Variants in CDC25C observed in about 807,000 individuals in gnomAD.
CDC25C encodes the protein M-phase inducer phosphatase 3.
Under a neutral mutation model 52.5 loss-of-function variants are expected in CDC25C, and 48 were observed. The ratio of observed to expected loss-of-function variants is 0.91; its 90% confidence interval spans 0.72 to 1.16. The LOEUF (loss-of-function observed/expected upper bound fraction) is 1.16, where lower values mean the gene tolerates loss of function less well. CDC25C is among the 50% of genes most tolerant of loss of function. The pLI is 0.00. For synonymous variants in CDC25C, 187 were observed against 206.5 expected (o/e 0.91, Z 0.81); for missense variants, 510 against 566.1 (o/e 0.90, Z 1.01).
At chr5:138,310,560 C>G (rs1313604679) in intron 7 of CDC25C, among the ~76,000 whole-genome samples, 2 of 152,198 alleles carry the variant, frequency 1.3e-5, no homozygotes, top group Non-Finnish European at 2.9e-5. Context: ...AGCACTTACA[C>G]TACACAATAA....
intron 6 of CDC25C, among the ~76,000 whole-genome samples, chr5:138,325,265 G>A (rs1285729763): frequency 6.6e-6 from 1 of 152,100 alleles, no homozygotes; most frequent in Non-Finnish European, 1.5e-5. Context: ...TCTAGAAAAG[G>A]GGCTTAGATG....
At chr5:138,314,041 G>A (rs1255255516) in intron 7 of CDC25C, among the ~76,000 whole-genome samples, 2 of 134,232 alleles carry the variant, frequency 1.5e-5, no homozygotes, top group African/African-American at 5.5e-5. Flanking sequence ...TCGCACCCAG[G>A]CTGGAGTGCA....
Position 138,292,043 on chromosome 5 carries a change from T to C in CDC25C, c.689A>G (p.Glu230Gly), listed in dbSNP as rs1438603292. Residue 230 changes from glutamate (E) to glycine (G), a missense_variant, in exon 8 of 14, where the codon GAA (glutamate) becomes GGA (glycine). By Grantham distance (98) the Glu-to-Gly change is moderately conservative. Coordinates refer to ENST00000323760, the MANE Select transcript of CDC25C (RefSeq NM_001790.5). ...TGGTATTGTGTTGTCCTTGAATTTT[T>C]CCACCTGCTTCAGTCTTGGCCTGTT... ...NLNRPRLKQV[E>G]KFKDNTIPDK... 6.2e-7 allele frequency: 1 copy of C among 1,613,758 alleles called. No homozygotes were observed. The highest frequency in any genetic ancestry group is 1.7e-5 in the Admixed American group (1 of 59,966).
rs1262199902 is a variant in CDC25C, at chr5:138,319,267, CT to C, written c.566del (p.Glu189GlyfsTer6). 1 of 1,613,734 alleles carries C rather than the reference CT, an allele frequency of 6.2e-7. No homozygotes were observed. The highest frequency in any genetic ancestry group is 8.5e-7 in the Non-Finnish European group (1 of 1,179,762). Reference sequence around the variant, plus strand: ...AAAACTCCATTAATTCATCTGAAATCTCTTCTGCCTGGTCTTCTCCTAGGTT... The same window carrying C: ...AAAACTCCATTAATTCATCTGAAATCCTTCTGCCTGGTCTTCTCCTAGGTT... ...NPNLGEDQAE[E>X]ISDELMEFSL... is the part of the protein sequence containing the mutation. On this transcript the variant is annotated frameshift_variant, in exon 7 of 14. Transcript: ENST00000323760. LOFTEE classifies it high-confidence loss of function.
chr5:138,303,429 C>T (rs111466010), intron 7 of CDC25C, among the ~76,000 whole-genome samples: 55 of 152,282 alleles, frequency 3.6e-4, no homozygotes, highest in African/African-American at 1.2e-3. Flanking sequence ...AGGCCCTACA[C>T]GATCTGTCCT....
intron 7 of CDC25C, among the ~76,000 whole-genome samples, chr5:138,314,951 A>G (rs1469173524): frequency 3.5e-5 from 3 of 85,304 alleles, no homozygotes; most frequent in Admixed American, 1.5e-4. Context: ...TTTTTGAGTT[A>G]GAGTCTCACT....
At chr5:138,290,857 A>G in intron 8 of CDC25C, 117 bp from the exon 9 acceptor site, 1 of 650,534 alleles carries the variant, frequency 1.5e-6, no homozygotes, top group Non-Finnish European at 2.8e-6. Context: ...TGGGAGGCTG[A>G]GGTAGGGAGA....
At chr5:138,321,931 AG>A (rs1266136659) in intron 6 of CDC25C, among the ~76,000 whole-genome samples, 1 of 152,044 alleles carries the variant, frequency 6.6e-6, no homozygotes, top group Admixed American at 6.6e-5. Context: ...CAGTATTATA[AG>A]GGCACAAAAG....
chr5:138,304,618 G>A (rs1337406872), intron 7 of CDC25C, among the ~76,000 whole-genome samples: 1 of 150,932 alleles, frequency 6.6e-6, no homozygotes, highest in Non-Finnish European at 1.5e-5. Flanking sequence ...CAATCCTACT[G>A]TCTCTGCCTC....
intron 7 of CDC25C, among the ~76,000 whole-genome samples, chr5:138,308,751 T>C (rs2126743505): frequency 6.6e-6 from 1 of 152,236 alleles, no homozygotes; most frequent in South Asian, 2.1e-4. Flanking sequence ...GACTTAATAC[T>C]ATGTTATAGA....
chr5:138,333,244 G>T (rs11567949), upstream of CDC25C, among the ~76,000 whole-genome samples: 19,352 of 152,142 alleles, frequency 0.13, 1,667 homozygotes, highest in South Asian at 0.25. Context: ...ACGATAATTC[G>T]ATAGGTCTAA....
At position 138,331,209 on chromosome 5, in the gene CDC25C, C is replaced by G. The variant is rs746705249; in HGVS notation, c.-29G>C. 1 of 1,607,666 alleles carries G rather than the reference C, an allele frequency of 6.2e-7. No homozygotes were observed. The highest frequency in any genetic ancestry group is 1.3e-5 in the African/African-American group (1 of 74,922). On this transcript the variant is annotated 5_prime_UTR_variant, in exon 2 of 14. Coordinates refer to ENST00000323760, the MANE Select transcript of CDC25C (RefSeq NM_001790.5). ...CTTCGAATTCTCACCAGGAGAAAAA[C>G]AAAACCTAGCTAGGAGGAAAACGTC...
chr5:138,330,949 G>A (rs758958609), intron 2 of CDC25C, 38 bp downstream of exon 2: 1 of 1,394,678 alleles, frequency 7.2e-7, no homozygotes, highest in Non-Finnish European at 1.0e-6. Flanking sequence ...TTTGGAAATA[G>A]CAAAGGCAAT....
intron 6 of CDC25C, among the ~76,000 whole-genome samples, chr5:138,324,587 G>A (rs773782911): frequency 1.3e-5 from 2 of 151,956 alleles, no homozygotes; most frequent in Non-Finnish European, 2.9e-5. Context: ...GTGAAACCCT[G>A]TCTCTACTAA....
rs561244557 is a variant in CDC25C at position 138,326,475 on chromosome 5, G to T, written c.336-421C>A. Reference sequence around the variant, plus strand: ...TCCTGCCTCAGCCTCCTGAGTAGCTGGGACTACAGGCGCCTGCAACCACAT... The same window carrying T: ...TCCTGCCTCAGCCTCCTGAGTAGCTTGGACTACAGGCGCCTGCAACCACAT... On this transcript the variant is annotated intron_variant, in intron 4 of 13. Coordinates refer to ENST00000323760, the MANE Select transcript of CDC25C (RefSeq NM_001790.5). Among the ~76,000 whole-genome samples the T allele has an allele frequency of 7.2e-5, 11 of 151,938 alleles. No individual in the cohort carries two copies. In the South Asian group the frequency reaches 2.1e-3, roughly 29 times the overall value.
intron 2 of CDC25C, 87 bp from the exon 3 acceptor site, chr5:138,329,734 T>A: frequency 3.0e-6 from 2 of 672,598 alleles, no homozygotes; most frequent in Non-Finnish European, 4.8e-6. Flanking sequence ...TTCTTTTTTT[T>A]TTTTTTTTTT....
chr5:138,294,661 T>A lies in CDC25C; in HGVS notation c.616-2545A>T, dbSNP rs577127044. ...CTGGGACTACAGGCGCCCGCCACCA[T>A]GCCCAGCTAATTTTTTGTATTTTTA... On this transcript the variant is annotated intron_variant, in intron 7 of 13. Transcript: ENST00000323760. Among the ~76,000 whole-genome samples the A allele has an allele frequency of 3.3e-5, 5 of 152,100 alleles. No homozygotes were observed. The South Asian group carries it at 1.0e-3, about 32-fold the overall frequency.
chr5:138,328,362 C>A, intron 4 of CDC25C, 122 bp downstream of exon 4: 1 of 806,854 alleles, frequency 1.2e-6, no homozygotes, highest in South Asian at 1.7e-5. Flanking sequence ...GGAACTAGGC[C>A]TCAAAGCCCA....
At position 138,285,466 on chromosome 5, in the gene CDC25C, T is replaced by A. The variant is rs752914221; in HGVS notation, c.*226A>T. On this transcript the variant is annotated 3_prime_UTR_variant, in exon 14 of 14. Transcript: ENST00000323760. ...TTCCCTGAACCAATACAAATCTCTATGCAACTCAAGGCTGCCTTATAGAGC... is the reference window on the plus strand; with the variant it reads ...TTCCCTGAACCAATACAAATCTCTAAGCAACTCAAGGCTGCCTTATAGAGC... 1.8e-6 allele frequency: 1 copy of A among 548,140 alleles called. No individual in the cohort carries two copies. Among genetic ancestry groups the A allele is most frequent in the Non-Finnish European group, 3.3e-6 (1 of 306,832 alleles). 34.0% of individuals were successfully genotyped at this position (548,140 alleles called of 1,614,324 possible).
Sources: allele counts gnomAD v4.1 joint callset (sites outside exome capture counted in the v4.1 genomes callset), GRCh38; gene constraint gnomAD v4.1.1; transcripts MANE v1.5; gene names NCBI Gene and HGNC (gene_info 2026-07-23, HGNC 2026-07-21).